Variants in ADK observed in about 807,000 individuals in gnomAD.
ADK encodes N6,N6-dimethyladenosine kinase.
Under a neutral mutation model 44.7 loss-of-function variants are expected in ADK, and 24 were observed. The ratio of observed to expected loss-of-function variants is 0.54; its 90% CI spans 0.39 to 0.76. ADK has a LOEUF of 0.76. Ranked by LOEUF, ADK falls within the 30% of genes least tolerant of loss-of-function variation. The probability of loss-of-function intolerance (pLI) is 0.00; values close to 1 mark genes in which losing one functional copy is unlikely to be tolerated. For missense variants in ADK, 321 were observed against 425.1 expected (o/e 0.76, Z 2.15); for synonymous variants, 128 against 142.6 (o/e 0.90, Z 0.73).
intron 9 of ADK, among the ~76,000 whole-genome samples, chr10:74,660,271 G>C (rs1356138203): frequency 6.6e-6 from 1 of 152,102 alleles, no homozygotes; most frequent in Non-Finnish European, 1.5e-5. Flanking sequence ...TGGGGCTACA[G>C]GAATGCACCA....
chr10:74,685,285 A>G (rs1047007112), intron 10 of ADK, among the ~76,000 whole-genome samples: 2 of 152,222 alleles, frequency 1.3e-5, no homozygotes, highest in Non-Finnish European at 2.9e-5. Flanking sequence ...TTTATGGTAA[A>G]CTTTTTATGT....
chr10:74,466,675 ATT>A (rs1281356593), intron 6 of ADK, among the ~76,000 whole-genome samples: 1 of 152,124 alleles, frequency 6.6e-6, no homozygotes. Context: ...GTTGCTGAAC[ATT>A]TTTTTGAGGT....
intron 1 of ADK, chr10:74,176,954 T>C: frequency 6.3e-7 from 1 of 1,590,796 alleles, no homozygotes. Context: ...GTGAGCACTG[T>C]CGCTCCTTCT....
intron 3 of ADK, among the ~76,000 whole-genome samples, chr10:74,293,719 T>G (rs1015925809): frequency 6.6e-6 from 1 of 152,210 alleles, no homozygotes; most frequent in African/African-American, 2.4e-5. Context: ...TTGGATAAAT[T>G]TTTATATTAT....
intron 4 of ADK, among the ~76,000 whole-genome samples, chr10:74,377,395 A>G (rs1227636062): frequency 1.3e-5 from 2 of 152,216 alleles, no homozygotes; most frequent in Non-Finnish European, 2.9e-5. Context: ...AACAGGTTAT[A>G]GGAGGAGCTA....
chr10:74,395,895 C>T (rs1321423234), intron 5 of ADK, among the ~76,000 whole-genome samples: 1 of 152,006 alleles, frequency 6.6e-6, no homozygotes, highest in African/African-American at 2.4e-5. Context: ...CCTGTAATCC[C>T]AGCTACTCGG....
In ADK at chr10:74,303,585, GTTGTT is replaced by G. The variant is rs1298870802; in HGVS notation, c.195-11079_195-11075del. Among the ~76,000 whole-genome samples the G allele has an allele frequency of 2.5e-3, 163 of 64,634 alleles. 14 individuals carry two copies. Among genetic ancestry groups the G allele is most frequent in the South Asian group, 0.013 (26 of 2,022 alleles). 42.4% of individuals were successfully genotyped at this position (64,634 alleles called of 152,430 possible). A position where few individuals can be genotyped will look rare whatever the true frequency, so the allele number is the denominator to read the frequency against. ...AAACACTTTTCATATTGGTTTTAAT[GTTGTT>G]TTTTTTTTTTTTTTTTTTTTTTTTG... On this transcript the variant is annotated intron_variant, in intron 3 of 10. Coordinates refer to ENST00000539909, the MANE Select transcript of ADK (RefSeq NM_006721.4).
At chr10:74,655,463 G>T in intron 9 of ADK, 2 of 460,962 alleles carry the variant, frequency 4.3e-6, no homozygotes, top group South Asian at 3.4e-5. Context: ...GCTGAGGAAT[G>T]ACACTCGCAA....
rs11594742 is a variant in ADK at position 74,649,616 on chromosome 10, C to T, written c.878-20567C>T. Among the ~76,000 whole-genome samples, 262 of 150,882 alleles carry T rather than the reference C, an allele frequency of 1.7e-3. 1 individual carries two copies. The Middle Eastern group carries it at 0.02, about 12-fold the overall frequency. On this transcript the variant is annotated intron_variant, in intron 9 of 10. Transcript: ENST00000539909. Reference sequence around the variant, plus strand: ...CTCCAACCTGGGCGACAGAGTGAGACTCTATATCAAAAAAAAAAAAACAAA... The same window carrying T: ...CTCCAACCTGGGCGACAGAGTGAGATTCTATATCAAAAAAAAAAAAACAAA...
intron 4 of ADK, among the ~76,000 whole-genome samples, chr10:74,338,865 A>C (rs1401544232): frequency 1.3e-5 from 2 of 152,196 alleles, no homozygotes. Flanking sequence ...TGGTGAGTAC[A>C]TGAATCTTTA....
At chr10:74,291,717 G>T (rs1040486017) in intron 3 of ADK, among the ~76,000 whole-genome samples, 1 of 149,866 alleles carries the variant, frequency 6.7e-6, no homozygotes, top group East Asian at 1.9e-4. Context: ...ACTTTAGTAT[G>T]ATAGCTTTAC....
At chr10:74,589,834 C>G (rs1351530675) in intron 8 of ADK, among the ~76,000 whole-genome samples, 1 of 152,170 alleles carries the variant, frequency 6.6e-6, no homozygotes, top group African/African-American at 2.4e-5. Context: ...CTTTTATAAA[C>G]TTACTCTTTG....
At chr10:74,411,405 A>G (rs1844171469) in intron 6 of ADK, among the ~76,000 whole-genome samples, 1 of 152,216 alleles carries the variant, frequency 6.6e-6, no homozygotes. Context: ...TTGCTTAACA[A>G]TAAAGCAAAT....
intron 7 of ADK, among the ~76,000 whole-genome samples, chr10:74,557,857 G>A (rs1300849997): frequency 6.6e-6 from 1 of 152,180 alleles, no homozygotes; most frequent in African/African-American, 2.4e-5. Context: ...CAATGGATTA[G>A]GAGATTCTTT....
At chr10:74,453,914 C>G (rs1179891972) in intron 6 of ADK, among the ~76,000 whole-genome samples, 1 of 151,974 alleles carries the variant, frequency 6.6e-6, no homozygotes, top group Admixed American at 6.6e-5. Flanking sequence ...CTAAAAAATT[C>G]AAAAAGCACA....
At chr10:74,160,950 C>G (rs1171072852) in intron 1 of ADK, among the ~76,000 whole-genome samples, 1 of 152,164 alleles carries the variant, frequency 6.6e-6, no homozygotes, top group Non-Finnish European at 1.5e-5. Context: ...AAAAACCCGA[C>G]AACCTCAGTC....
chr10:74,511,118 A>G (rs193237112), intron 6 of ADK, among the ~76,000 whole-genome samples: 1 of 152,324 alleles, frequency 6.6e-6, no homozygotes, highest in East Asian at 1.9e-4. Context: ...TGAACAGACT[A>G]TTCATTCCCC....
At chr10:74,537,890 A>G (rs921076898) in intron 7 of ADK, among the ~76,000 whole-genome samples, 1 of 152,186 alleles carries the variant, frequency 6.6e-6, no homozygotes, top group African/African-American at 2.4e-5. Context: ...TCATAGGGAT[A>G]AGAATGATAT....
At chr10:74,583,286 CTT>C (rs908179010) in intron 7 of ADK, among the ~76,000 whole-genome samples, 42 of 151,838 alleles carry the variant, frequency 2.8e-4, no homozygotes, top group Non-Finnish European at 4.7e-4. Context: ...TGGTAGGAGA[CTT>C]TGACTCAATA....
Sources: gnomAD v4.1 joint callset for allele counts (sites outside exome capture counted in the v4.1 genomes callset) on GRCh38, gnomAD v4.1.1 for gene constraint, MANE v1.5 for transcripts, NCBI Gene and HGNC (gene_info 2026-07-23, HGNC 2026-07-21) for gene names.